WAC: variants seen among roughly 807,000 people sequenced by gnomAD.
WAC encodes WW domain containing adaptor with coiled-coil.
A neutral mutation model predicts 79.6 loss-of-function variants in WAC; 11 were observed. That is an observed-to-expected ratio of 0.14 (90% CI 0.09 to 0.23). WAC has a LOEUF of 0.23. Ranked by LOEUF, WAC falls within the 10% of genes least tolerant of loss-of-function variation. WAC has a pLI of 1.00. For synonymous variants in WAC, 304 were observed against 276.9 expected, an observed-to-expected ratio of 1.10 and a Z score of -0.97; for missense variants, 728 against 773.5, an observed-to-expected ratio of 0.94 and a Z score of 0.70.
At chr10:28,610,961 T>C in intron 9 of WAC, 140 bp downstream of exon 9, 1 of 910,008 alleles carries the variant, frequency 1.1e-6, no homozygotes, top group Non-Finnish European at 1.6e-6. Flanking sequence ...TTTTGTTTTT[T>C]TTGTAACACT....
intron 3 of WAC, among the ~76,000 whole-genome samples, chr10:28,541,414 T>TGG (rs1564372734): frequency 1.5e-5 from 1 of 67,030 alleles, no homozygotes; most frequent in Non-Finnish European, 3.0e-5. Flanking sequence ...TGTGTGTGTG[T>TGG]GTTTTGTTTT....
rs916053152 is a variant in WAC, at chr10:28,614,703, A to G, written c.1556+18A>G. 1.3e-6 allele frequency: 2 copies of G among 1,558,654 alleles called. No individual in the cohort carries two copies. Among genetic ancestry groups the G allele is most frequent in the Non-Finnish European group, 1.8e-6 (2 of 1,131,512 alleles). On this transcript the variant is annotated intron_variant, in intron 11 of 13. Transcript: ENST00000354911. The stretch of plus-strand genomic sequence containing the variant: ...CGCTCAAGGTAGGTTGATATTGTAT[A>G]TTGAGACCACATTGTTTTATTTAAT...
intron 7 of WAC, among the ~76,000 whole-genome samples, chr10:28,596,842 A>G (rs948508293): frequency 3.3e-5 from 5 of 152,202 alleles, no homozygotes; most frequent in Admixed American, 6.5e-5. Context: ...GGCTTGATAC[A>G]TTAATTCACA....
Position 28,607,027 on chromosome 10 carries a change from G to A in WAC, c.920-1159G>A, listed in dbSNP as rs1718483095. ...CATTGTCCTGATTCTGAATGAAGTT[G>A]AGCATCTTTTCTTGAATTTCCTAGG... On this transcript the variant is annotated intron_variant, in intron 7 of 13. Coordinates refer to ENST00000354911, the MANE Select transcript of WAC (RefSeq NM_016628.5). Among the ~76,000 whole-genome samples the A allele has an allele frequency of 2.6e-5, 4 of 152,152 alleles. No individual in the cohort carries two copies. The South Asian group carries it at 6.2e-4, about 24-fold the overall frequency.
intron 3 of WAC, among the ~76,000 whole-genome samples, chr10:28,545,603 G>T (rs1384534780): frequency 6.6e-6 from 1 of 152,264 alleles, no homozygotes; most frequent in Non-Finnish European, 1.5e-5. Context: ...ATTAAGGAAT[G>T]TGAGTTTTAT....
chr10:28,537,881 AAG>A (rs1297333632), intron 3 of WAC, among the ~76,000 whole-genome samples: 1 of 152,144 alleles, frequency 6.6e-6, no homozygotes, highest in African/African-American at 2.4e-5. Flanking sequence ...CTTCATTTGC[AAG>A]AAACTTGATG....
At chr10:28,611,578 A>C (rs1564418982) in intron 9 of WAC, 196 bp from the exon 10 acceptor site, 1 of 1,263,204 alleles carries the variant, frequency 7.9e-7, no homozygotes, top group Non-Finnish European at 1.1e-6. Flanking sequence ...TTACCTCTGA[A>C]CACACAGCTC....
chr10:28,539,954 A>T (rs761820829), intron 3 of WAC, among the ~76,000 whole-genome samples: 2 of 152,196 alleles, frequency 1.3e-5, no homozygotes, highest in African/African-American at 2.4e-5. Flanking sequence ...AGTTACTATT[A>T]ACATTTTGAA....
intron 3 of WAC, among the ~76,000 whole-genome samples, chr10:28,563,271 T>C (rs1196968599): frequency 6.6e-6 from 1 of 152,208 alleles, no homozygotes; most frequent in African/African-American, 2.4e-5. Context: ...AGATTAGTAA[T>C]ACCCAGTGTT....
intron 3 of WAC, among the ~76,000 whole-genome samples, chr10:28,550,914 A>G (rs1442221321): frequency 6.6e-6 from 1 of 152,230 alleles, no homozygotes; most frequent in East Asian, 1.9e-4. Context: ...GCATTAGTAT[A>G]ATCCTATAGA....
intron 3 of WAC, among the ~76,000 whole-genome samples, chr10:28,582,435 T>A (rs187585646): frequency 3.1e-4 from 47 of 152,336 alleles, no homozygotes; most frequent in South Asian, 6.2e-4. Context: ...ATTGAAATAA[T>A]ATTCCTAACT....
chr10:28,581,827 G>A (rs927886021), intron 3 of WAC, among the ~76,000 whole-genome samples: 8 of 152,130 alleles, frequency 5.3e-5, no homozygotes, highest in African/African-American at 1.9e-4. Flanking sequence ...CTCCCAAAGT[G>A]TTCAGCTTAT....
intron 7 of WAC, among the ~76,000 whole-genome samples, chr10:28,597,245 T>G (rs1471456843): frequency 6.6e-6 from 1 of 152,178 alleles, no homozygotes; most frequent in Non-Finnish European, 1.5e-5. Context: ...AGATTTACCC[T>G]GTGACATATT....
chr10:28,563,292 C>G (rs1234627678), intron 3 of WAC, among the ~76,000 whole-genome samples: 1 of 152,056 alleles, frequency 6.6e-6, no homozygotes, highest in Non-Finnish European at 1.5e-5. Context: ...CCTATCTTTT[C>G]TTAATTTTCA....
chr10:28,611,347 C>T (rs1488256740), intron 9 of WAC: 1 of 1,294,888 alleles, frequency 7.7e-7, no homozygotes, highest in Non-Finnish European at 1.0e-6. Context: ...AGCTGATAAA[C>T]AGCAGGAATG....
intron 3 of WAC, among the ~76,000 whole-genome samples, chr10:28,572,032 A>AT (rs1839000335): frequency 6.6e-6 from 1 of 152,142 alleles, no homozygotes; most frequent in South Asian, 2.1e-4. Flanking sequence ...ATAGGATGTA[A>AT]TTACACTGCA....
chr10:28,616,659 A>G (rs1173778471), intron 12 of WAC, among the ~76,000 whole-genome samples: 3 of 149,964 alleles, frequency 2.0e-5, no homozygotes, highest in Non-Finnish European at 3.0e-5. Context: ...ATAGAGTTGA[A>G]GTCCTTAAGA....
At chr10:28,540,053 A>G (rs1258502148) in intron 3 of WAC, among the ~76,000 whole-genome samples, 1 of 152,188 alleles carries the variant, frequency 6.6e-6, no homozygotes, top group Non-Finnish European at 1.5e-5. Context: ...ATAGACTGGC[A>G]GTTGAGCAAC....
chr10:28,596,712 TAGTATGTTTTA>T (rs781205318), intron 7 of WAC, among the ~76,000 whole-genome samples: 2 of 152,206 alleles, frequency 1.3e-5, no homozygotes, highest in Non-Finnish European at 2.9e-5. Flanking sequence ...TTGTACTTCA[TAGTATGTTTTA>T]AGAATCTAAG....
Sources: gnomAD v4.1 joint callset for allele counts (sites outside exome capture counted in the v4.1 genomes callset) on GRCh38, gnomAD v4.1.1 for gene constraint, MANE v1.5 for transcripts, NCBI Gene and HGNC (gene_info 2026-07-23, HGNC 2026-07-21) for gene names.